The following SENP7 variants were observed in gnomAD, a reference collection of about 807,000 sequenced individuals.
SENP7 encodes the protein sentrin-specific protease 7.
A neutral mutation model predicts 141.2 loss-of-function variants in SENP7; 64 were observed. That is an observed-to-expected ratio of 0.45 (90% CI 0.37 to 0.56). SENP7 has a LOEUF of 0.56. SENP7 is among the 20% of genes least tolerant of loss of function. The pLI is 0.00. For synonymous variants in SENP7, 382 were observed against 426.4 expected (o/e 0.90, Z 1.28); for missense variants, 1,025 against 1,212.2 (o/e 0.85, Z 2.29).
intron 6 of SENP7, 37 bp from the exon 7 acceptor site, chr3:101,372,163 A>C (rs773652868): frequency 8.8e-7 from 1 of 1,133,910 alleles, no homozygotes; most frequent in South Asian, 2.2e-5. Flanking sequence ...AATTCTAATA[A>C]AGCCCAAATG....
At position 101,451,096 on chromosome 3, in the gene SENP7, G is replaced by A. The variant is rs9683248; in HGVS notation, c.284+7859C>T. ...GAGAATACTATAAACACCTCTACGC[G>A]AATAAACTAGAAAATCTAGAAGAAA... On this transcript the variant is annotated intron_variant, in intron 4 of 23. Coordinates refer to ENST00000394095, the MANE Select transcript of SENP7 (RefSeq NM_020654.5). Among the ~76,000 whole-genome samples the A allele has an allele frequency of 9.8e-3, 1,485 of 152,082 alleles. 25 individuals carry two copies. The highest frequency in any genetic ancestry group is 0.034 in the African/African-American group (1,412 of 41,502).
chr3:101,396,187 T>C (rs970196713), intron 6 of SENP7, among the ~76,000 whole-genome samples: 2 of 152,178 alleles, frequency 1.3e-5, no homozygotes, highest in African/African-American at 2.4e-5. Flanking sequence ...ACCTGGAAAT[T>C]CCACATCTAT....
intron 4 of SENP7, among the ~76,000 whole-genome samples, chr3:101,432,864 C>G (rs1439027525): frequency 6.6e-6 from 1 of 152,118 alleles, no homozygotes; most frequent in Non-Finnish European, 1.5e-5. Context: ...AATGCCCAGA[C>G]AATGAAGAAC....
chr3:101,412,874 A>G (rs1310260693), intron 5 of SENP7, among the ~76,000 whole-genome samples: 1 of 152,144 alleles, frequency 6.6e-6, no homozygotes, highest in African/African-American at 2.4e-5. Flanking sequence ...TAAAAAATAA[A>G]TGTGCATTCC....
intron 3 of SENP7, among the ~76,000 whole-genome samples, chr3:101,463,874 G>C (rs1263873727): frequency 6.6e-6 from 1 of 152,040 alleles, no homozygotes; most frequent in Non-Finnish European, 1.5e-5. Context: ...GCCCAGCCTG[G>C]AGTGCAGTGG....
intron 9 of SENP7, among the ~76,000 whole-genome samples, chr3:101,365,511 C>G (rs942010818): frequency 6.6e-6 from 1 of 150,742 alleles, no homozygotes; most frequent in African/African-American, 2.4e-5. Context: ...TGGTACATGC[C>G]TATAATCCCA....
chr3:101,500,221 G>A (rs1038480793), intron 2 of SENP7, among the ~76,000 whole-genome samples: 2 of 152,026 alleles, frequency 1.3e-5, no homozygotes, highest in Non-Finnish European at 1.5e-5. Flanking sequence ...AATGTAAATC[G>A]GGATATTACT....
intron 4 of SENP7, among the ~76,000 whole-genome samples, chr3:101,423,801 G>A (rs368081641): frequency 2.2e-4 from 33 of 152,252 alleles, no homozygotes; most frequent in East Asian, 1.9e-3. Context: ...GGGGGCAATG[G>A]GTGAGTTGAA....
intron 3 of SENP7, among the ~76,000 whole-genome samples, chr3:101,470,392 A>T (rs1443645479): frequency 6.6e-6 from 1 of 152,218 alleles, no homozygotes; most frequent in Non-Finnish European, 1.5e-5. Context: ...AAACAGAAAC[A>T]ATGACAAAAA....
chr3:101,405,839 T>A (rs1002263567), intron 5 of SENP7, among the ~76,000 whole-genome samples: 4 of 152,106 alleles, frequency 2.6e-5, no homozygotes, highest in African/African-American at 9.7e-5. Flanking sequence ...ATTCAGAGCT[T>A]GAAAACAAGG....
chr3:101,476,100 G>GT (rs113562526), intron 3 of SENP7, among the ~76,000 whole-genome samples: 7 of 152,078 alleles, frequency 4.6e-5, no homozygotes, highest in African/African-American at 1.7e-4. Context: ...AACATTGCCA[G>GT]TTTTTTTATT....
At chr3:101,401,395 G>A (rs1298475402) in intron 5 of SENP7, among the ~76,000 whole-genome samples, 1 of 151,946 alleles carries the variant, frequency 6.6e-6, no homozygotes, top group Admixed American at 6.5e-5. Context: ...CAGGTGTGGT[G>A]GCAGGCACCT....
chr3:101,337,642 GT>G lies in SENP7; in HGVS notation c.2358-12del, dbSNP rs753573510. 2 of 1,548,656 alleles carry G rather than the reference GT, an allele frequency of 1.3e-6. No homozygotes were observed. The highest frequency in any genetic ancestry group is 1.7e-6 in the Non-Finnish European group (2 of 1,150,440). ...TCCAATATAAGATACCTGTAAAGTAGTAACCCCACAAAAGTAAATTATTTTT... is the reference window on the plus strand; with the variant it reads ...TCCAATATAAGATACCTGTAAAGTAGAACCCCACAAAAGTAAATTATTTTT... On this transcript the variant is annotated splice_polypyrimidine_tract_variant and intron_variant, in intron 16 of 23. Transcript: ENST00000394095.
chr3:101,404,019 T>C (rs2061229311), intron 5 of SENP7, among the ~76,000 whole-genome samples: 1 of 152,186 alleles, frequency 6.6e-6, no homozygotes. Flanking sequence ...GATTCAATGC[T>C]ATTCCTATCA....
At chr3:101,409,773 A>G (rs2061402579) in intron 5 of SENP7, among the ~76,000 whole-genome samples, 1 of 152,224 alleles carries the variant, frequency 6.6e-6, no homozygotes, top group Admixed American at 6.5e-5. Context: ...CTCACCTTGT[A>G]CAAAAATCAA....
chr3:101,437,212 C>A (rs2062424123), intron 4 of SENP7, among the ~76,000 whole-genome samples: 1 of 152,044 alleles, frequency 6.6e-6, no homozygotes, highest in South Asian at 2.1e-4. Context: ...GGATGGTTAC[C>A]AAAGGCTGGG....
At position 101,343,890 on chromosome 3, in the gene SENP7, C is replaced by T; in HGVS notation, c.1902G>A (p.Lys634=). The change falls in exon 14 of 24, where the codon AAG becomes AAA. Residue 634 remains lysine, a synonymous_variant. Transcript: ENST00000394095. ...TTATTTCCGTCATAATATCTTTCAG[C>T]TTCAATTCTTCTCTTTGTGAAACAG... ...HNPVSQREEL[K]LKDIMTEISI... The T allele has an allele frequency of 6.2e-7, 1 of 1,611,916 alleles. No individual in the cohort carries two copies. Among genetic ancestry groups the T allele is most frequent in the Non-Finnish European group, 8.5e-7 (1 of 1,178,534 alleles).
At chr3:101,494,954 T>C (rs1186179182) in intron 2 of SENP7, among the ~76,000 whole-genome samples, 1 of 152,094 alleles carries the variant, frequency 6.6e-6, no homozygotes, top group Non-Finnish European at 1.5e-5. Flanking sequence ...TGGGATCTAA[T>C]TAAACTAAGG....
intron 1 of SENP7, among the ~76,000 whole-genome samples, chr3:101,511,660 G>A (rs749390899): frequency 1.6e-4 from 25 of 152,258 alleles, no homozygotes; most frequent in Non-Finnish European, 2.9e-4. Context: ...GATAACATTG[G>A]TTGCATATGA....
Sources: gnomAD v4.1 joint callset for allele counts (sites outside exome capture counted in the v4.1 genomes callset) on GRCh38, gnomAD v4.1.1 for gene constraint, MANE v1.5 for transcripts, NCBI Gene and HGNC (gene_info 2026-07-23, HGNC 2026-07-21) for gene names.